Variants in GPATCH2 observed in about 807,000 individuals in gnomAD.
GPATCH2 encodes the protein G-patch domain containing 2, also known as G patch domain-containing protein 2.
GPATCH2 carries 51 observed loss-of-function variants against 58.0 expected under a neutral mutation model. The ratio of observed to expected loss-of-function variants is 0.88; its 90% CI spans 0.70 to 1.11. GPATCH2 has a LOEUF of 1.11. Among genes scored for constraint, GPATCH2 ranks in the 50% most tolerant of loss-of-function variants. The pLI is 0.00. For missense variants in GPATCH2, 625 were observed against 652.2 expected (o/e 0.96, Z 0.45); for synonymous variants, 222 against 218.5 (o/e 1.02, Z -0.14).
At chr1:217,492,141 T>C (rs1196732749) in intron 7 of GPATCH2, among the ~76,000 whole-genome samples, 2 of 152,138 alleles carry the variant, frequency 1.3e-5, no homozygotes, top group African/African-American at 4.8e-5. Context: ...GCAACCTCTC[T>C]TGTCAACGGC....
At chr1:217,441,467 A>G (rs895521026) in intron 9 of GPATCH2, among the ~76,000 whole-genome samples, 5 of 152,222 alleles carry the variant, frequency 3.3e-5, no homozygotes, top group African/African-American at 9.6e-5. Context: ...AAAACACCAA[A>G]AGCAACAGCA....
At chr1:217,484,347 T>C (rs181055744) in intron 8 of GPATCH2, among the ~76,000 whole-genome samples, 3 of 152,064 alleles carry the variant, frequency 2.0e-5, no homozygotes, top group East Asian at 3.9e-4. Flanking sequence ...AACTAAAAAA[T>C]TGGCTTTTCT....
intron 8 of GPATCH2, 54 bp from the exon 9 acceptor site, chr1:217,449,391 A>G: frequency 9.8e-7 from 1 of 1,015,440 alleles, no homozygotes; most frequent in Non-Finnish European, 1.6e-6. Flanking sequence ...ATGACACATA[A>G]ATACACAGCT....
chr1:217,614,241 A>T, intron 2 of GPATCH2, 39 bp from the exon 3 acceptor site: 4 of 1,174,958 alleles, frequency 3.4e-6, no homozygotes, highest in Non-Finnish European at 5.1e-6. Flanking sequence ...TCAAAAGAAC[A>T]ATTGATCTCT....
chr1:217,522,262 CACT>C (rs1189692667), intron 5 of GPATCH2, among the ~76,000 whole-genome samples: 3 of 152,048 alleles, frequency 2.0e-5, no homozygotes, highest in Non-Finnish European at 2.9e-5. Flanking sequence ...TTCTGGTATA[CACT>C]ACTAATAAAA....
intron 1 of GPATCH2, among the ~76,000 whole-genome samples, chr1:217,621,857 C>T (rs528833397): frequency 1.1e-4 from 17 of 152,288 alleles, no homozygotes; most frequent in East Asian, 1.9e-4. Flanking sequence ...CTAACATTTG[C>T]GCATTTACTA....
chr1:217,593,325 A>G (rs1195602669), intron 5 of GPATCH2, among the ~76,000 whole-genome samples: 2 of 152,010 alleles, frequency 1.3e-5, no homozygotes, highest in Non-Finnish European at 2.9e-5. Context: ...GATTTTAGTT[A>G]AAAGGTATAA....
At chr1:217,580,749 C>CCTCCCA (rs1667037692) in intron 5 of GPATCH2, among the ~76,000 whole-genome samples, 1 of 39,372 alleles carries the variant, frequency 2.5e-5, no homozygotes, top group Non-Finnish European at 5.6e-5. Flanking sequence ...GCAGAATCTC[C>CCTCCCA]TGTAATCCCA....
intron 5 of GPATCH2, among the ~76,000 whole-genome samples, chr1:217,567,371 C>T (rs1265038791): frequency 3.9e-5 from 6 of 152,092 alleles, no homozygotes; most frequent in Admixed American, 3.9e-4. Flanking sequence ...CTTACATCTA[C>T]CATTTGCTTA....
chr1:217,560,660 G>T (rs75182723), intron 5 of GPATCH2, among the ~76,000 whole-genome samples: 5,353 of 152,264 alleles, frequency 0.035, 124 homozygotes, highest in East Asian at 0.13. Context: ...ATTTACAGCA[G>T]AATTTCTCAA....
intron 7 of GPATCH2, among the ~76,000 whole-genome samples, chr1:217,497,430 T>C (rs2102545203): frequency 6.6e-6 from 1 of 152,192 alleles, no homozygotes; most frequent in East Asian, 1.9e-4. Context: ...AAATGGAAGG[T>C]ATTTCTATTA....
intron 5 of GPATCH2, among the ~76,000 whole-genome samples, chr1:217,570,268 C>T (rs1014329113): frequency 8.5e-5 from 13 of 152,166 alleles, no homozygotes; most frequent in African/African-American, 2.2e-4. Context: ...CACGCCACCA[C>T]GCCTGGCTAA....
intron 5 of GPATCH2, among the ~76,000 whole-genome samples, chr1:217,519,983 G>A (rs559374208): frequency 1.3e-5 from 2 of 152,040 alleles, no homozygotes; most frequent in East Asian, 3.9e-4. Flanking sequence ...TTTGATTGTT[G>A]TTTTTTAAAC....
intron 3 of GPATCH2, 28 bp from the exon 4 acceptor site, chr1:217,611,099 AC>A: frequency 6.6e-7 from 1 of 1,518,076 alleles, no homozygotes. Context: ...ACCCCCCCCC[AC>A]CAAAGACTCA....
At chr1:217,581,216 T>G (rs951050349) in intron 5 of GPATCH2, among the ~76,000 whole-genome samples, 1 of 152,236 alleles carries the variant, frequency 6.6e-6, no homozygotes, top group African/African-American at 2.4e-5. Flanking sequence ...ACCCTTTATA[T>G]GTTTTCATTG....
intron 5 of GPATCH2, among the ~76,000 whole-genome samples, chr1:217,530,971 C>T (rs1365715032): frequency 1.3e-5 from 2 of 151,780 alleles, no homozygotes; most frequent in African/African-American, 4.8e-5. Context: ...AAGAGGCAGA[C>T]CAGTTGAATA....
intron 5 of GPATCH2, among the ~76,000 whole-genome samples, chr1:217,599,580 C>T (rs1668016224): frequency 6.6e-6 from 1 of 152,144 alleles, no homozygotes; most frequent in Non-Finnish European, 1.5e-5. Flanking sequence ...TCTTTCTTTG[C>T]TCCCCTTTTC....
chr1:217,575,189 G>A (rs1413071051), intron 5 of GPATCH2, among the ~76,000 whole-genome samples: 1 of 152,040 alleles, frequency 6.6e-6, no homozygotes, highest in African/African-American at 2.4e-5. Flanking sequence ...TGCAAAGCTG[G>A]GATTAGATCT....
chr1:217,609,811 G>T, intron 5 of GPATCH2: 2 of 984,710 alleles, frequency 2.0e-6, no homozygotes, highest in African/African-American at 1.7e-5. Flanking sequence ...AATACTTGTC[G>T]ATCTGGAAGT....
Sources: allele counts gnomAD v4.1 joint callset (sites outside exome capture counted in the v4.1 genomes callset), GRCh38; gene constraint gnomAD v4.1.1; transcripts MANE v1.5; gene names NCBI Gene and HGNC (gene_info 2026-07-23, HGNC 2026-07-21).